The following SLAIN2 variants were observed in gnomAD, a reference collection of about 807,000 sequenced individuals.
SLAIN2 encodes the protein SLAIN motif-containing protein 2.
SLAIN2 carries 31 observed loss-of-function variants against 56.6 expected under a neutral mutation model. The ratio of observed to expected loss-of-function variants is 0.55; its 90% CI spans 0.41 to 0.74. The LOEUF (loss-of-function observed/expected upper bound fraction) is 0.74, where lower values mean the gene tolerates loss of function less well. SLAIN2 is among the 30% of genes least tolerant of loss of function. The pLI is 0.00. For synonymous variants in SLAIN2, 317 were observed against 284.9 expected (o/e 1.11, Z -1.13); for missense variants, 777 against 754.2 (o/e 1.03, Z -0.35).
chr4:48,342,195 G>C, intron 1 of SLAIN2, 67 bp downstream of exon 1: 1 of 1,324,560 alleles, frequency 7.5e-7, no homozygotes, highest in South Asian at 2.1e-5. Context: ...GTCCTCTGAG[G>C]GTCCCTCTGG....
At chr4:48,356,265 T>C (rs1560450498) in intron 1 of SLAIN2, among the ~76,000 whole-genome samples, 1 of 152,230 alleles carries the variant, frequency 6.6e-6, no homozygotes, top group Non-Finnish European at 1.5e-5. Context: ...TGCATGTTTG[T>C]AATGTTTATA....
chr4:48,345,844 G>T (rs1389975242), intron 1 of SLAIN2, among the ~76,000 whole-genome samples: 1 of 152,010 alleles, frequency 6.6e-6, no homozygotes, highest in Non-Finnish European at 1.5e-5. Flanking sequence ...ATATTAAATT[G>T]ACATAATAAA....
At chr4:48,395,660 G>A (rs901876469) in intron 6 of SLAIN2, among the ~76,000 whole-genome samples, 5 of 152,094 alleles carry the variant, frequency 3.3e-5, no homozygotes, top group Admixed American at 1.3e-4. Flanking sequence ...ATCAGAAGTT[G>A]ACCATGGGCC....
intron 1 of SLAIN2, among the ~76,000 whole-genome samples, chr4:48,368,129 A>G (rs1261096835): frequency 1.5e-5 from 2 of 134,174 alleles, no homozygotes; most frequent in African/African-American, 2.9e-5. Flanking sequence ...GCTCACTGCA[A>G]CCTCCACCTC....
chr4:48,401,537 T>A (rs1017839178), intron 6 of SLAIN2, among the ~76,000 whole-genome samples: 1 of 152,214 alleles, frequency 6.6e-6, no homozygotes, highest in African/African-American at 2.4e-5. Flanking sequence ...GTAATGCCCT[T>A]CTTTGTCTTT....
intron 2 of SLAIN2, among the ~76,000 whole-genome samples, chr4:48,371,786 A>G (rs1715669985): frequency 6.6e-6 from 1 of 151,892 alleles, no homozygotes; most frequent in African/African-American, 2.4e-5. Flanking sequence ...TACAAAAAAT[A>G]AAAAAATAAA....
chr4:48,385,985 A>G (rs923720799), intron 6 of SLAIN2, among the ~76,000 whole-genome samples: 2 of 150,224 alleles, frequency 1.3e-5, no homozygotes, highest in Non-Finnish European at 3.0e-5. Context: ...TCACATGCCT[A>G]TAGTCCCAGC....
chr4:48,360,160 A>G (rs1715283391), intron 1 of SLAIN2, among the ~76,000 whole-genome samples: 1 of 151,878 alleles, frequency 6.6e-6, no homozygotes, highest in Admixed American at 6.6e-5. Context: ...TCTCAAAAAA[A>G]AAAAAAAATA....
chr4:48,349,714 A>G (rs1420340587), intron 1 of SLAIN2, among the ~76,000 whole-genome samples: 1 of 152,204 alleles, frequency 6.6e-6, no homozygotes, highest in Non-Finnish European at 1.5e-5. Flanking sequence ...TGGGGATCAT[A>G]ATATAACATG....
At chr4:48,410,794 A>G (rs75646168) in intron 6 of SLAIN2, among the ~76,000 whole-genome samples, 19 of 152,294 alleles carry the variant, frequency 1.2e-4, no homozygotes, top group African/African-American at 4.3e-4. Flanking sequence ...CAGTATCTCA[A>G]CATCAGATTA....
At chr4:48,344,527 A>G (rs1714812908) in intron 1 of SLAIN2, among the ~76,000 whole-genome samples, 1 of 152,206 alleles carries the variant, frequency 6.6e-6, no homozygotes, top group African/African-American at 2.4e-5. Flanking sequence ...TGGGTTCAAC[A>G]AAAATAAACA....
chr4:48,385,038 A>G (rs1457684860), intron 6 of SLAIN2, among the ~76,000 whole-genome samples: 1 of 152,226 alleles, frequency 6.6e-6, no homozygotes, highest in East Asian at 1.9e-4. Context: ...ATGGAAAGGA[A>G]AGGTTGAGAC....
chr4:48,368,238 T>C (rs1221411490), intron 1 of SLAIN2, among the ~76,000 whole-genome samples: 20 of 151,768 alleles, frequency 1.3e-4, no homozygotes, highest in Non-Finnish European at 2.5e-4. Context: ...TTAGTAGAGA[T>C]GGGGTTTGTA....
intron 6 of SLAIN2, among the ~76,000 whole-genome samples, chr4:48,419,306 G>T (rs1053036424): frequency 6.6e-5 from 10 of 152,128 alleles, no homozygotes; most frequent in African/African-American, 2.4e-4. Flanking sequence ...TTTTCACCAT[G>T]TTGGCCAGGC....
intron 1 of SLAIN2, among the ~76,000 whole-genome samples, chr4:48,361,016 T>C (rs778935010): frequency 2.0e-5 from 3 of 152,196 alleles, no homozygotes; most frequent in Non-Finnish European, 2.9e-5. Context: ...ATGAATAAAA[T>C]ATAGTCTCTT....
chr4:48,345,010 G>C (rs1714824980), intron 1 of SLAIN2, among the ~76,000 whole-genome samples: 1 of 152,138 alleles, frequency 6.6e-6, no homozygotes, highest in Non-Finnish European at 1.5e-5. Context: ...GTCTGTGCCA[G>C]GCAGCTTATA....
chr4:48,382,472 CT>C, intron 4 of SLAIN2, 95 bp from the exon 5 acceptor site: 1 of 1,283,308 alleles, frequency 7.8e-7, no homozygotes, highest in Non-Finnish European at 1.0e-6. Context: ...TTTACACCCT[CT>C]TTGAATTTTT....
At chr4:48,355,851 A>G (rs1715142571) in intron 1 of SLAIN2, among the ~76,000 whole-genome samples, 4 of 152,012 alleles carry the variant, frequency 2.6e-5, no homozygotes. Context: ...CAAAGTTGGT[A>G]AAATATTTTA....
At position 48,391,188 on chromosome 4, in the gene SLAIN2, A is replaced by G. The variant is rs537367160; in HGVS notation, c.1360+7404A>G. Among the ~76,000 whole-genome samples the G allele has an allele frequency of 1.1e-4, 17 of 152,300 alleles. No individual in the cohort carries two copies. In the South Asian group the frequency reaches 2.9e-3, roughly 26 times the overall value. On this transcript the variant is annotated intron_variant, in intron 6 of 7. Transcript: ENST00000264313. ...TTCTAATATGCTTAAATATAATAAT[A>G]TATTGTACCACAGGGTTGGAGGCAC...
Sources: gnomAD v4.1 joint callset for allele counts (sites outside exome capture counted in the v4.1 genomes callset) on GRCh38, gnomAD v4.1.1 for gene constraint, MANE v1.5 for transcripts, NCBI Gene and HGNC (gene_info 2026-07-23, HGNC 2026-07-21) for gene names.